BBS9: variants seen among roughly 807,000 people sequenced by gnomAD.
BBS9 encodes the protein protein PTHB1.
A neutral mutation model predicts 117.7 loss-of-function variants in BBS9; 89 were observed. The ratio of observed to expected loss-of-function variants is 0.76; its 90% CI spans 0.64 to 0.90. BBS9 has a LOEUF of 0.90. Among genes scored for constraint, BBS9 ranks in the 40% least tolerant of loss-of-function variants. The pLI, the probability that BBS9 is intolerant of heterozygous loss-of-function variation, is 0.00. For missense variants in BBS9, 982 were observed against 1,042.2 expected, an observed-to-expected ratio of 0.94 and a Z score of 0.80; for synonymous variants, 379 against 370.9, an observed-to-expected ratio of 1.02 and a Z score of -0.25.
intron 9 of BBS9, among the ~76,000 whole-genome samples, chr7:33,274,994 C>CAAAAAA (rs763041758): frequency 1.7e-5 from 1 of 58,710 alleles, no homozygotes; most frequent in Non-Finnish European, 3.4e-5. Context: ...GACTGTGTCT[C>CAAAAAA]AAAAAAAAAA....
In BBS9 at chr7:33,369,160, A is replaced by G. The variant is rs539056119; in HGVS notation, c.1789+1298A>G. 2.0e-4 allele frequency among the ~76,000 whole-genome samples: 31 copies of G among 152,258 alleles called. No individual in the cohort carries two copies. In the South Asian group the frequency reaches 2.9e-3, roughly 14 times the overall value. Reference sequence around the variant, plus strand: ...TTGATTAGCTTTAATCTCCAGTTGGATGGTAGAACCATTTTGGTGCATTTC... The same window carrying G: ...TTGATTAGCTTTAATCTCCAGTTGGGTGGTAGAACCATTTTGGTGCATTTC... On this transcript the variant is annotated intron_variant, in intron 17 of 22. Coordinates refer to ENST00000242067, the MANE Select transcript of BBS9 (RefSeq NM_198428.3).
intron 17 of BBS9, among the ~76,000 whole-genome samples, chr7:33,381,583 A>T (rs544469481): frequency 6.6e-6 from 1 of 152,280 alleles, no homozygotes; most frequent in South Asian, 2.1e-4. Flanking sequence ...GCCCCGCCAC[A>T]ACTGTACTAT....
At chr7:33,249,767 A>T (rs1795947266) in intron 5 of BBS9, among the ~76,000 whole-genome samples, 1 of 152,098 alleles carries the variant, frequency 6.6e-6, no homozygotes, top group Non-Finnish European at 1.5e-5. Flanking sequence ...CATTGTTAAG[A>T]TATTGTCATC....
intron 17 of BBS9, among the ~76,000 whole-genome samples, chr7:33,371,245 CAA>C (rs1291265401): frequency 2.0e-5 from 3 of 152,006 alleles, no homozygotes; most frequent in Non-Finnish European, 4.4e-5. Context: ...TTATGAGAAA[CAA>C]ATTTCACAGA....
Position 33,155,497 on chromosome 7 carries a change from A to G in BBS9, c.264-141A>G, listed in dbSNP as rs1026907911. On this transcript the variant is annotated intron_variant, in intron 3 of 22. Coordinates refer to ENST00000242067, the MANE Select transcript of BBS9 (RefSeq NM_198428.3). Reference sequence around the variant, plus strand: ...CTGTTTATTGTTATATTTATTTTTCAGTTTAGAATGTTATCTAATGAATTG... The same window carrying G: ...CTGTTTATTGTTATATTTATTTTTCGGTTTAGAATGTTATCTAATGAATTG... 47 of 606,390 alleles carry G rather than the reference A, an allele frequency of 7.8e-5. No homozygotes were observed. In the East Asian group the frequency reaches 1.4e-3, roughly 17 times the overall value. The allele number at this position is 606,390 out of a possible 1,614,324, so 37.6% of individuals were successfully genotyped here.
intron 9 of BBS9, among the ~76,000 whole-genome samples, chr7:33,323,376 T>C (rs1812126055): frequency 6.6e-6 from 1 of 152,200 alleles, no homozygotes; most frequent in African/African-American, 2.4e-5. Flanking sequence ...CTTTGTCTTT[T>C]GCTCTAGTAA....
rs189045080 is a variant in BBS9, at chr7:33,546,176, G to C, written c.2521+12000G>C. Among the ~76,000 whole-genome samples, 49 of 151,940 alleles carry C rather than the reference G, an allele frequency of 3.2e-4. No homozygotes were observed. In the East Asian group the frequency reaches 9.1e-3, roughly 28 times the overall value. ...TCTTGATCTTCTGACCTCGTGATCCGCCCACCTCGGCCTCCCAAAGTGCTG... is the reference window on the plus strand; with the variant it reads ...TCTTGATCTTCTGACCTCGTGATCCCCCCACCTCGGCCTCCCAAAGTGCTG... On this transcript the variant is annotated intron_variant, in intron 21 of 22. Coordinates refer to ENST00000242067, the MANE Select transcript of BBS9 (RefSeq NM_198428.3).
chr7:33,267,181 T>C (rs1023451963), intron 7 of BBS9, among the ~76,000 whole-genome samples: 6 of 152,212 alleles, frequency 3.9e-5, no homozygotes, highest in African/African-American at 1.4e-4. Flanking sequence ...TCCTTTTGTT[T>C]GATAATCTTC....
chr7:33,221,114 C>G (rs1228754366), intron 5 of BBS9, among the ~76,000 whole-genome samples: 5 of 152,190 alleles, frequency 3.3e-5, no homozygotes, highest in African/African-American at 1.2e-4. Context: ...GTGTCACTTT[C>G]TCTGTGAAGC....
intron 21 of BBS9, among the ~76,000 whole-genome samples, chr7:33,582,270 T>G (rs1860083930): frequency 6.6e-6 from 1 of 151,950 alleles, no homozygotes; most frequent in South Asian, 2.1e-4. Flanking sequence ...GAGTAAACTG[T>G]ATGCATGCAA....
chr7:33,566,718 C>T (rs1347226895), intron 21 of BBS9, among the ~76,000 whole-genome samples: 1 of 150,528 alleles, frequency 6.6e-6, no homozygotes, highest in African/African-American at 2.4e-5. Context: ...GTATACAGTG[C>T]ATTTTTGCCA....
At chr7:33,624,995 G>C (rs962175743) in intron 21 of BBS9, among the ~76,000 whole-genome samples, 1 of 152,274 alleles carries the variant, frequency 6.6e-6, no homozygotes, top group African/African-American at 2.4e-5. Context: ...ACTCTCAGTA[G>C]ATGTGTCTGC....
chr7:33,610,075 C>G (rs547942731), downstream of BBS9, among the ~76,000 whole-genome samples: 1 of 152,158 alleles, frequency 6.6e-6, no homozygotes, highest in South Asian at 2.1e-4. Context: ...GACCATACAC[C>G]TGGGCAAGGA....
rs879633440 is a variant in BBS9 at position 33,267,255 on chromosome 7, C to G, written c.702+2881C>G. On this transcript the variant is annotated intron_variant, in intron 7 of 22. Transcript: ENST00000242067. ...CAGTTTTCTTTTGATTAGTGTTATTCTGATACCTTTTTCTATCTTTCCACT... is the reference window on the plus strand; with the variant it reads ...CAGTTTTCTTTTGATTAGTGTTATTGTGATACCTTTTTCTATCTTTCCACT... Among the ~76,000 whole-genome samples the G allele has an allele frequency of 1.4e-4, 22 of 152,010 alleles. 1 individual carries two copies. The highest frequency in any genetic ancestry group is 4.6e-4 in the African/African-American group (19 of 41,412).
intron 19 of BBS9, among the ~76,000 whole-genome samples, chr7:33,398,196 T>C (rs1211273173): frequency 1.3e-5 from 2 of 152,168 alleles, no homozygotes; most frequent in Non-Finnish European, 1.5e-5. Context: ...TTACCAGATA[T>C]ATTACCACAG....
intron 5 of BBS9, among the ~76,000 whole-genome samples, chr7:33,217,814 C>G (rs1562816383): frequency 6.6e-6 from 1 of 152,130 alleles, no homozygotes; most frequent in South Asian, 2.1e-4. Flanking sequence ...GCACATATGT[C>G]ATCGACCAAG....
In BBS9 at chr7:33,202,519, T is replaced by A. The variant is rs571746699; in HGVS notation, c.442+24928T>A. 3.3e-5 allele frequency among the ~76,000 whole-genome samples: 5 copies of A among 152,286 alleles called. No homozygotes were observed. The South Asian group carries it at 1.0e-3, about 32-fold the overall frequency. On this transcript the variant is annotated intron_variant, in intron 5 of 22. Transcript: ENST00000242067. ...AATTTATAAAGAAAAGAGGTTTAAT[T>A]GGCTCAGGGTTCTGCAGGGTACAGG...
chr7:33,507,695 G>A (rs963539087), intron 20 of BBS9, among the ~76,000 whole-genome samples: 2 of 152,226 alleles, frequency 1.3e-5, no homozygotes, highest in African/African-American at 4.8e-5. Context: ...GAAGGAAAGG[G>A]TGAAAACTAA....
At chr7:33,452,974 A>T (rs1351004235) in intron 19 of BBS9, among the ~76,000 whole-genome samples, 1 of 152,232 alleles carries the variant, frequency 6.6e-6, no homozygotes, top group East Asian at 1.9e-4. Context: ...ATTAAGTTAC[A>T]TGACTGTGCA....
Sources: allele counts gnomAD v4.1 joint callset (sites outside exome capture counted in the v4.1 genomes callset), GRCh38; gene constraint gnomAD v4.1.1; transcripts MANE v1.5; gene names NCBI Gene and HGNC (gene_info 2026-07-23, HGNC 2026-07-21).